KLHL22: variants seen among roughly 807,000 people sequenced by gnomAD.
The protein encoded by KLHL22 is kelch like family member 22, also known as kelch-like protein 22.
KLHL22 carries 18 observed loss-of-function variants against 60.7 expected under a neutral mutation model. The ratio of observed to expected loss-of-function variants is 0.30; its 90% CI spans 0.20 to 0.44. KLHL22 has a LOEUF of 0.44. Ranked by LOEUF, KLHL22 falls within the 20% of genes least tolerant of loss-of-function variation. The probability of loss-of-function intolerance (pLI) is 1.00; values close to 1 mark genes in which losing one functional copy is unlikely to be tolerated. For synonymous variants in KLHL22, 355 were observed against 354.5 expected, an observed-to-expected ratio of 1.00 and a Z score of -0.01; for missense variants, 596 against 852.3, an observed-to-expected ratio of 0.70 and a Z score of 3.74.
At position 20,447,317 on chromosome 22, in the gene KLHL22, C is replaced by T. The variant is rs574607978; in HGVS notation, c.1306-641G>A. On this transcript the variant is annotated intron_variant, in intron 5 of 6. Coordinates refer to ENST00000328879, the MANE Select transcript of KLHL22 (RefSeq NM_032775.4). Reference sequence around the variant, plus strand: ...CACCCACTCACACCCAGCAGGCCAACAGAAGGCCCCAAGGCAAGGCCCTGG... The same window carrying T: ...CACCCACTCACACCCAGCAGGCCAATAGAAGGCCCCAAGGCAAGGCCCTGG... Among the ~76,000 whole-genome samples the T allele has an allele frequency of 2.0e-3, 300 of 152,344 alleles. 1 individual carries two copies. Among genetic ancestry groups the T allele is most frequent in the African/African-American group, 7.0e-3 (293 of 41,582 alleles).
At chr22:20,469,949 T>A (rs942729394) in intron 3 of KLHL22, among the ~76,000 whole-genome samples, 5 of 152,084 alleles carry the variant, frequency 3.3e-5, no homozygotes, top group Non-Finnish European at 1.5e-5. Flanking sequence ...CCCGTGTAAC[T>A]GCACCCACAC....
chr22:20,458,149 T>C, intron 4 of KLHL22, 149 bp from the exon 5 acceptor site: 1 of 775,384 alleles, frequency 1.3e-6, no homozygotes, highest in Non-Finnish European at 2.0e-6. Context: ...CACACCGATC[T>C]ACAGCCAGGC....
intron 3 of KLHL22, among the ~76,000 whole-genome samples, chr22:20,467,810 C>T (rs2053258619): frequency 6.6e-6 from 1 of 152,158 alleles, no homozygotes. Context: ...AGACGCCCGC[C>T]ACCACGCCCG....
intron 4 of KLHL22, among the ~76,000 whole-genome samples, chr22:20,458,374 G>T (rs1407814337): frequency 1.4e-5 from 2 of 146,132 alleles, no homozygotes; most frequent in Non-Finnish European, 3.0e-5. Context: ...TCGACCTCCT[G>T]GGCTTAAGTG....
rs568600254 is a variant in KLHL22, at chr22:20,460,039, A to AG, written c.1113-2040dup. Among the ~76,000 whole-genome samples, 933 of 152,284 alleles carry AG rather than the reference A, an allele frequency of 6.1e-3. 10 individuals carry two copies. The highest frequency in any genetic ancestry group is 0.021 in the African/African-American group (889 of 41,572). ...GGCACAAGCCAGAAGAAGGTCTGGC[A>AG]GGGGACCAGCAGTCCAGGATTGGGG... On this transcript the variant is annotated intron_variant, in intron 4 of 6. Transcript: ENST00000328879.
chr22:20,447,669 A>G (rs979083870), intron 5 of KLHL22, among the ~76,000 whole-genome samples: 15 of 151,088 alleles, frequency 9.9e-5, no homozygotes, highest in South Asian at 4.2e-4. Flanking sequence ...CAGCTTCCCG[A>G]GTAGCTGGGA....
intron 1 of KLHL22, among the ~76,000 whole-genome samples, chr22:20,492,808 T>C (rs2146296422): frequency 6.6e-6 from 1 of 152,222 alleles, no homozygotes; most frequent in South Asian, 2.1e-4. Context: ...GTCAGGCTGG[T>C]CTCGCATTCC....
intron 2 of KLHL22, among the ~76,000 whole-genome samples, chr22:20,476,216 G>A (rs377210519): frequency 3.3e-4 from 50 of 152,086 alleles, no homozygotes; most frequent in African/African-American, 1.0e-3. Flanking sequence ...CCAAGCCCTC[G>A]GGGCACTTTC....
intron 2 of KLHL22, chr22:20,488,695 A>AGGG (rs371039341): frequency 6.8e-5 from 32 of 471,470 alleles, no homozygotes; most frequent in African/African-American, 2.2e-4. Context: ...AGGGGAGGAG[A>AGGG]GAAAGGAGGA....
intron 3 of KLHL22, among the ~76,000 whole-genome samples, chr22:20,470,695 GATGGATGGATGGATGGATGCATGC>G (rs2053303291): frequency 1.3e-5 from 2 of 150,106 alleles, no homozygotes; most frequent in African/African-American, 4.9e-5. Context: ...TGGATGGATG[GATGGATGGATGGATGGATGCATGC>G]ATGGATGGAT....
At chr22:20,467,677 G>C (rs1227791640) in intron 3 of KLHL22, among the ~76,000 whole-genome samples, 1 of 152,108 alleles carries the variant, frequency 6.6e-6, no homozygotes, top group Non-Finnish European at 1.5e-5. Context: ...TTATTATTTT[G>C]AGATGGGGTC....
At chr22:20,479,112 G>C (rs1225148111) in intron 2 of KLHL22, among the ~76,000 whole-genome samples, 1 of 151,306 alleles carries the variant, frequency 6.6e-6, no homozygotes, top group Non-Finnish European at 1.5e-5. Flanking sequence ...CTGGGCGACA[G>C]AGTGAGATTC....
intron 4 of KLHL22, among the ~76,000 whole-genome samples, chr22:20,461,606 A>G (rs2053157241): frequency 6.6e-6 from 1 of 150,884 alleles, no homozygotes; most frequent in Admixed American, 6.6e-5. Context: ...CTATATTTCC[A>G]TGACTTAAGT....
At chr22:20,476,405 ATTTTTT>A (rs57189584) in intron 2 of KLHL22, among the ~76,000 whole-genome samples, 1 of 69,350 alleles carries the variant, frequency 1.4e-5, no homozygotes, top group Non-Finnish European at 2.5e-5. Flanking sequence ...ATTGACACAG[ATTTTTT>A]TTTTTTTTTT....
intron 4 of KLHL22, among the ~76,000 whole-genome samples, chr22:20,462,266 G>A (rs2053167268): frequency 1.8e-5 from 2 of 108,470 alleles, no homozygotes; most frequent in South Asian, 3.0e-4. Context: ...GACAGAACGA[G>A]ACTCTGTCTC....
At chr22:20,472,066 G>A (rs2053335128) in intron 2 of KLHL22, among the ~76,000 whole-genome samples, 1 of 151,900 alleles carries the variant, frequency 6.6e-6, no homozygotes, top group South Asian at 2.1e-4. Flanking sequence ...GGCCCACATG[G>A]TGAAACCGCG....
intron 2 of KLHL22, among the ~76,000 whole-genome samples, chr22:20,479,763 C>G (rs992856994): frequency 6.6e-6 from 1 of 152,130 alleles, no homozygotes; most frequent in South Asian, 2.1e-4. Context: ...AACTATAACC[C>G]TTGTGCACTG....
intron 2 of KLHL22, among the ~76,000 whole-genome samples, chr22:20,474,269 G>C (rs943588680): frequency 6.6e-6 from 1 of 152,210 alleles, no homozygotes; most frequent in Non-Finnish European, 1.5e-5. Context: ...AAAGGGCTGG[G>C]ATTACAGGCG....
At chr22:20,467,177 GC>G (rs2053248632) in intron 3 of KLHL22, among the ~76,000 whole-genome samples, 1 of 152,186 alleles carries the variant, frequency 6.6e-6, no homozygotes, top group African/African-American at 2.4e-5. Context: ...CCAGACAGCT[GC>G]AGGTTCTCCC....
Sources: allele counts gnomAD v4.1 joint callset (sites outside exome capture counted in the v4.1 genomes callset), GRCh38; gene constraint gnomAD v4.1.1; transcripts MANE v1.5; gene names NCBI Gene and HGNC (gene_info 2026-07-23, HGNC 2026-07-21).